The following ABCC6 variants were observed in gnomAD, a reference collection of about 807,000 sequenced individuals.
ABCC6 encodes ATP binding cassette subfamily C member 6.
In ABCC6, 126 loss-of-function variants were observed where a neutral mutation model predicts 169.5. The ratio of observed to expected loss-of-function variants is 0.74; its 90% CI spans 0.64 to 0.86. The LOEUF (loss-of-function observed/expected upper bound fraction) is 0.86, where lower values mean the gene tolerates loss of function less well. ABCC6 is among the 40% of genes least tolerant of loss of function. The probability of loss-of-function intolerance (pLI) is 0.00; values close to 1 mark genes in which losing one functional copy is unlikely to be tolerated. For missense variants in ABCC6, 1,733 were observed against 1,927.2 expected, an observed-to-expected ratio of 0.90 and a Z score of 1.89; for synonymous variants, 752 against 814.7, an observed-to-expected ratio of 0.92 and a Z score of 1.31.
chr16:16,217,249 C>G (rs1290512335), intron 4 of ABCC6, among the ~76,000 whole-genome samples: 2 of 152,050 alleles, frequency 1.3e-5, no homozygotes, highest in Non-Finnish European at 2.9e-5. Flanking sequence ...CAATATGGCC[C>G]ATCTTCCCTA....
chr16:16,184,781 C>A (rs928949118), intron 15 of ABCC6, among the ~76,000 whole-genome samples, 178 bp downstream of exon 15: 1 of 152,108 alleles, frequency 6.6e-6, no homozygotes, highest in Non-Finnish European at 1.5e-5. Flanking sequence ...CAGGTCCCCA[C>A]CTTCAGGAGG....
chr16:16,160,478 G>T (rs1464063779), intron 25 of ABCC6, among the ~76,000 whole-genome samples: 1 of 151,474 alleles, frequency 6.6e-6, no homozygotes, highest in Non-Finnish European at 1.5e-5. Flanking sequence ...CTCCAGTCTG[G>T]GCAAAAGAGT....
intron 1 of ABCC6, 113 bp from the exon 2 acceptor site, chr16:16,221,944 C>G (rs2049090202): frequency 6.4e-7 from 1 of 1,557,312 alleles, no homozygotes; most frequent in African/African-American, 1.4e-5. Context: ...AAAAATGTAC[C>G]AAGTACTCTT....
chr16:16,177,778 A>C, intron 18 of ABCC6, 152 bp from the exon 19 acceptor site: 3 of 850,172 alleles, frequency 3.5e-6, no homozygotes, highest in Non-Finnish European at 3.7e-6. Flanking sequence ...CCCCATCTCT[A>C]CTAAAAATAC....
intron 10 of ABCC6, among the ~76,000 whole-genome samples, chr16:16,196,066 C>T (rs1024835021): frequency 6.6e-6 from 1 of 151,952 alleles, no homozygotes; most frequent in East Asian, 1.9e-4. Flanking sequence ...AAAAATTAGC[C>T]AGATGTTGTG....
Position 16,198,070 on chromosome 16 carries a change from A to C in ABCC6, c.1289T>G (p.Leu430Arg), listed in dbSNP as rs968328446. Residue 430 changes from leucine to arginine, a missense_variant, in exon 10 of 31, where the codon CTG becomes CGG. Physicochemically the swap from Leu to Arg is moderately radical, Grantham distance 102 (BLOSUM62 -2). Coordinates refer to ENST00000205557, the MANE Select transcript of ABCC6 (RefSeq NM_001171.6). ...CACGATCCAGACGAGAGGCAGCCAC[A>C]GCCCGTTGAGGTAGAGGACGCTCTC... ...LTESVLYLNGLWLPLVWIVVC... is the reference protein window; with the variant it reads ...LTESVLYLNGRWLPLVWIVVC... 6.2e-7 allele frequency: 1 copy of C among 1,614,032 alleles called. No homozygotes were observed. Among genetic ancestry groups the C allele is most frequent in the Non-Finnish European group, 8.5e-7 (1 of 1,180,034 alleles).
In ABCC6 at chr16:16,177,614, C is replaced by A; in HGVS notation, c.2428G>T (p.Val810Leu). 1 of 1,614,170 alleles carries A rather than the reference C, an allele frequency of 6.2e-7. No homozygotes were observed. The highest frequency in any genetic ancestry group is 2.2e-5 in the East Asian group (1 of 44,882). ...GGCAGGATGTGGAGTGCGTGCGTCA[C>A]GAGAATCCGTGTCTGGGCAGGGAAG... ...GLLQGTTRIL[V>L]THALHILPQA... Residue 810 changes from valine to leucine, a missense_variant, in exon 19 of 31, where the codon GTG becomes TTG. Coordinates refer to ENST00000205557, the MANE Select transcript of ABCC6 (RefSeq NM_001171.6).
At chr16:16,179,466 A>G (rs1041659711) in intron 17 of ABCC6, among the ~76,000 whole-genome samples, 1 of 152,110 alleles carries the variant, frequency 6.6e-6, no homozygotes, top group Non-Finnish European at 1.5e-5. Flanking sequence ...GGCACCAGGG[A>G]CCAGTTTTGT....
chr16:16,159,832 A>G (rs750383720), intron 25 of ABCC6, among the ~76,000 whole-genome samples: 6 of 152,188 alleles, frequency 3.9e-5, no homozygotes, highest in Non-Finnish European at 8.8e-5. Flanking sequence ...CAGCTTGTAC[A>G]AACTGGCTTG....
intron 26 of ABCC6, 41 bp downstream of exon 26, chr16:16,159,441 A>G (rs1177440066): frequency 5.0e-6 from 7 of 1,394,186 alleles, no homozygotes; most frequent in Non-Finnish European, 7.1e-6. Flanking sequence ...CCCCCACAAT[A>G]TGTCCTTGCT....
At position 16,165,808 on chromosome 16, in the gene ABCC6, T is replaced by G; in HGVS notation, c.3121A>C (p.Ile1041Leu). 1 of 1,613,612 alleles carries G rather than the reference T, an allele frequency of 6.2e-7. No individual in the cohort carries two copies. The highest frequency in any genetic ancestry group is 8.5e-7 in the Non-Finnish European group (1 of 1,180,044). Residue 1041 changes from isoleucine to leucine, a missense_variant, in exon 23 of 31, where the codon ATT (isoleucine) becomes CTT (leucine). Transcript: ENST00000205557. ...GAGAAGCGGTTTAGCAGGTGACCAA[T>G]GGGTGTCCGCTCAAAGAAGCTGATG... Reference protein sequence around the residue: ...SPISFFERTPIGHLLNRFSKE... With the variant: ...SPISFFERTPLGHLLNRFSKE...
At position 16,212,202 on chromosome 16, in the gene ABCC6, C is replaced by T. The variant is rs72664282; in HGVS notation, c.645G>A (p.Thr215=). ...ETGAAFPSKA[T]FWWVSGLVWR... ...TTACTTACCCAGAAACCCACCAGAA[C>T]GTGGCTTTGGAGGGGAAGGCTGCCC... Residue 215 remains threonine, a synonymous_variant, in exon 6 of 31, where the codon ACG becomes ACA. Coordinates refer to ENST00000205557, the MANE Select transcript of ABCC6 (RefSeq NM_001171.6). 0.051 allele frequency: 51,275 copies of T among 1,003,146 alleles called. 1,681 individuals carry two copies. The highest frequency in any genetic ancestry group is 0.065 in the Non-Finnish European group (41,768 of 638,876). The allele number at this position is 1,003,146 out of a possible 1,614,324, so 62.1% of individuals were successfully genotyped here. A position where few individuals can be genotyped will look rare whatever the true frequency, so the allele number is the denominator to read the frequency against.
At chr16:16,195,452 A>G (rs1404572633) in intron 10 of ABCC6, among the ~76,000 whole-genome samples, 3 of 151,770 alleles carry the variant, frequency 2.0e-5, no homozygotes, top group Non-Finnish European at 4.4e-5. Flanking sequence ...AGCTGGGATT[A>G]CAGGCACATG....
At position 16,190,046 on chromosome 16, in the gene ABCC6, T is replaced by G. The variant is rs1409199486; in HGVS notation, c.1635+118A>C. 35 of 1,042,806 alleles carry G rather than the reference T, an allele frequency of 3.4e-5. No individual in the cohort carries two copies. In the East Asian group the frequency reaches 8.5e-4, roughly 25 times the overall value. The allele number at this position is 1,042,806 out of a possible 1,614,324, so 64.6% of individuals were successfully genotyped here. The stretch of plus-strand genomic sequence containing the variant: ...GACCCAGAGAGAACAGGATCCAGAA[T>G]GAGTGGGTTTTGATGGACGGGGTGG... On this transcript the variant is annotated intron_variant, in intron 12 of 30. Coordinates refer to ENST00000205557, the MANE Select transcript of ABCC6 (RefSeq NM_001171.6).
In ABCC6 at chr16:16,182,172, C is replaced by G. The variant is rs182311382; in HGVS notation, c.2247+240G>C. Reference sequence around the variant, plus strand: ...CTCACTCTCAGTTGTCAGAGAGCTCCTCACTGCCAATCCCTGCCACAACTC... The same window carrying G: ...CTCACTCTCAGTTGTCAGAGAGCTCGTCACTGCCAATCCCTGCCACAACTC... On this transcript the variant is annotated intron_variant, in intron 17 of 30. Coordinates refer to ENST00000205557, the MANE Select transcript of ABCC6 (RefSeq NM_001171.6). 5.2e-3 allele frequency among the ~76,000 whole-genome samples: 791 copies of G among 152,284 alleles called. 4 individuals carry two copies. The highest frequency in any genetic ancestry group is 0.011 in the Admixed American group (161 of 15,294).
At chr16:16,186,206 AG>A (rs2047650179) in intron 14 of ABCC6, among the ~76,000 whole-genome samples, 1 of 152,144 alleles carries the variant, frequency 6.6e-6, no homozygotes, top group African/African-American at 2.4e-5. Flanking sequence ...GATGGGGTGG[AG>A]GGGGAAGCCC....
At chr16:16,151,335 C>T (rs2046382763) in intron 29 of ABCC6, among the ~76,000 whole-genome samples, 2 of 152,184 alleles carry the variant, frequency 1.3e-5, no homozygotes, top group Non-Finnish European at 2.9e-5. Flanking sequence ...GGATTACAGG[C>T]GTGAGCCACT....
Position 16,182,789 on chromosome 16 carries a change from T to C in ABCC6, c.2070+15A>G. The C allele has an allele frequency of 1.2e-6, 2 of 1,613,782 alleles. No homozygotes were observed. The highest frequency in any genetic ancestry group is 8.5e-7 in the Non-Finnish European group (1 of 1,179,868). Reference sequence around the variant, plus strand: ...GATGGGGACATCCTAGCAGACAGGCTGGGGGTGGCCTCACCTCGATGCTCA... The same window carrying C: ...GATGGGGACATCCTAGCAGACAGGCCGGGGGTGGCCTCACCTCGATGCTCA... On this transcript the variant is annotated intron_variant, in intron 16 of 30. Transcript: ENST00000205557.
At position 16,192,883 on chromosome 16, in the gene ABCC6, G is replaced by A; in HGVS notation, c.1378C>T (p.Leu460=). The change falls in exon 11 of 31, where the codon CTG becomes TTG. Residue 460 remains leucine, a synonymous_variant. Coordinates refer to ENST00000205557, the MANE Select transcript of ABCC6 (RefSeq NM_001171.6). ...PSALTAIAVF[L]SLLPLNFFIS... ...AAGAAATTCAGAGGGAGGAGGCTCA[G>A]GAAGACAGCGATGGCAGTGAGGGCG... The A allele has an allele frequency of 6.2e-7, 1 of 1,614,174 alleles. No individual in the cohort carries two copies. The highest frequency in any genetic ancestry group is 8.5e-7 in the Non-Finnish European group (1 of 1,180,038).
Sources: gnomAD v4.1 joint callset for allele counts (sites outside exome capture counted in the v4.1 genomes callset) on GRCh38, gnomAD v4.1.1 for gene constraint, MANE v1.5 for transcripts, NCBI Gene and HGNC (gene_info 2026-07-23, HGNC 2026-07-21) for gene names.